RSPO3: variants seen among roughly 807,000 people sequenced by gnomAD.
RSPO3 encodes the protein R-spondin-3.
A neutral mutation model predicts 36.5 loss-of-function variants in RSPO3; 17 were observed. The observed-to-expected ratio is 0.47, with a 90% CI of 0.32 to 0.70. RSPO3 has a LOEUF of 0.70. Among genes scored for constraint, RSPO3 ranks in the 30% least tolerant of loss-of-function variants. RSPO3 has a pLI of 0.04. For synonymous variants in RSPO3, 108 were observed against 107.0 expected, an observed-to-expected ratio of 1.01 and a Z score of -0.06; for missense variants, 294 against 322.5, an observed-to-expected ratio of 0.91 and a Z score of 0.68.
At chr6:127,145,665 C>T (rs922252558) in intron 1 of RSPO3, among the ~76,000 whole-genome samples, 1 of 152,080 alleles carries the variant, frequency 6.6e-6, no homozygotes, top group African/African-American at 2.4e-5. Context: ...TAAACTCCAA[C>T]TCATTTTCTA....
At chr6:127,142,236 C>T (rs541539600) in intron 1 of RSPO3, among the ~76,000 whole-genome samples, 1 of 152,204 alleles carries the variant, frequency 6.6e-6, no homozygotes, top group East Asian at 1.9e-4. Context: ...GCTATCTATA[C>T]CTAACTTTCT....
chr6:127,190,993 T>C (rs1028277080), intron 4 of RSPO3, among the ~76,000 whole-genome samples: 1 of 152,182 alleles, frequency 6.6e-6, no homozygotes, highest in Non-Finnish European at 1.5e-5. Context: ...CACTTGGAAT[T>C]TAAATATATA....
chr6:127,175,540 A>G (rs1435181570), intron 4 of RSPO3, among the ~76,000 whole-genome samples: 2 of 151,804 alleles, frequency 1.3e-5, no homozygotes, highest in Admixed American at 6.6e-5. Flanking sequence ...ATATGAGCAT[A>G]AAGTACTGGA....
chr6:127,187,807 T>A (rs1775326882), intron 4 of RSPO3, among the ~76,000 whole-genome samples: 1 of 151,988 alleles, frequency 6.6e-6, no homozygotes, highest in Admixed American at 6.6e-5. Context: ...GAATGCAAAA[T>A]CTAAAATATT....
At chr6:127,155,187 A>T in intron 3 of RSPO3, 54 bp from the exon 4 acceptor site, 1 of 1,551,322 alleles carries the variant, frequency 6.4e-7, no homozygotes, top group Non-Finnish European at 8.9e-7. Context: ...TTAACTCAAC[A>T]ATAGTGAAAG....
At chr6:127,149,521 T>A (rs1419164105) in intron 2 of RSPO3, among the ~76,000 whole-genome samples, 1 of 152,090 alleles carries the variant, frequency 6.6e-6, no homozygotes, top group Non-Finnish European at 1.5e-5. Context: ...TTTGCATAGC[T>A]GGCTGTCTTA....
chr6:127,160,282 CT>C (rs1428076714), intron 4 of RSPO3, among the ~76,000 whole-genome samples: 2 of 152,180 alleles, frequency 1.3e-5, no homozygotes, highest in Admixed American at 1.3e-4. Flanking sequence ...ATACTACAAT[CT>C]GTTTTAAATA....
At chr6:127,123,317 A>C (rs1381287228) in intron 1 of RSPO3, among the ~76,000 whole-genome samples, 3 of 152,122 alleles carry the variant, frequency 2.0e-5, no homozygotes, top group Non-Finnish European at 1.5e-5. Context: ...ACTACAATGT[A>C]TTTTTCACAC....
chr6:127,197,197 C>A lies in RSPO3; in HGVS notation c.*1190C>A. ...CAGTAATATTTGTTTTTTGAATCCA[C>A]CTTTATCTGAGCCAATGGAGATTTA... On this transcript the variant is annotated 3_prime_UTR_variant, in exon 5 of 5. Coordinates refer to ENST00000356698, the MANE Select transcript of RSPO3 (RefSeq NM_032784.5). 2.0e-6 allele frequency: 1 copy of A among 488,236 alleles called. No individual in the cohort carries two copies. Among genetic ancestry groups the A allele is most frequent in the Non-Finnish European group, 3.6e-6 (1 of 281,348 alleles). The allele number at this position is 488,236 out of a possible 1,614,324, so 30.2% of individuals were successfully genotyped here. A position where few individuals can be genotyped will look rare whatever the true frequency, so the allele number is the denominator to read the frequency against.
In RSPO3 at chr6:127,150,721, T is replaced by G. The variant is rs3734625; in HGVS notation, c.436+149T>G. The G allele has an allele frequency of 3.4e-4, 227 of 662,886 alleles. 1 individual carries two copies. The East Asian group carries it at 6.5e-3, about 19-fold the overall frequency. 41.1% of individuals were successfully genotyped at this position (662,886 alleles called of 1,614,324 possible). A position where few individuals can be genotyped will look rare whatever the true frequency, so the allele number is the denominator to read the frequency against. ...ATCCTTCTTTACAAAGATACTCTCT[T>G]AAAGGTGTTTTTCATAACCTTATCT... On this transcript the variant is annotated intron_variant, in intron 3 of 4. Transcript: ENST00000356698.
At chr6:127,193,870 G>A (rs918126737) in intron 4 of RSPO3, among the ~76,000 whole-genome samples, 4 of 152,100 alleles carry the variant, frequency 2.6e-5, no homozygotes, top group Non-Finnish European at 5.9e-5. Context: ...TAATGGAATC[G>A]AGTAATCAGA....
At chr6:127,187,735 T>A (rs116667436) in intron 4 of RSPO3, among the ~76,000 whole-genome samples, 158 of 152,222 alleles carry the variant, frequency 1.0e-3, no homozygotes, top group African/African-American at 3.4e-3. Context: ...AAAAAATTAC[T>A]TATTGTAAAT....
At chr6:127,119,721 T>G in intron 1 of RSPO3, 1 of 157,760 alleles carries the variant, frequency 6.3e-6, no homozygotes, top group Admixed American at 6.5e-5. Context: ...CCCGCTCACC[T>G]AGCGCAACCG....
intron 1 of RSPO3, among the ~76,000 whole-genome samples, chr6:127,142,284 C>A (rs560083785): frequency 1.2e-4 from 19 of 152,242 alleles, no homozygotes; most frequent in African/African-American, 4.3e-4. Context: ...TAGCCATTGT[C>A]GGCTCTACTT....
intron 1 of RSPO3, among the ~76,000 whole-genome samples, chr6:127,147,984 AGCTCG>A (rs1427901763): frequency 2.0e-5 from 3 of 152,154 alleles, no homozygotes. Context: ...GCAATTATTA[AGCTCG>A]TGTGAGAAGA....
chr6:127,121,976 T>G (rs1316940340), intron 1 of RSPO3, among the ~76,000 whole-genome samples: 1 of 118,712 alleles, frequency 8.4e-6, no homozygotes, highest in South Asian at 2.7e-4. Flanking sequence ...AGGTAGAAAA[T>G]TAGGTGTTAA....
At chr6:127,139,367 C>G (rs1224792110) in intron 1 of RSPO3, among the ~76,000 whole-genome samples, 1 of 152,078 alleles carries the variant, frequency 6.6e-6, no homozygotes, top group Non-Finnish European at 1.5e-5. Context: ...CACAAATATC[C>G]AAGTTTATTC....
chr6:127,190,706 T>C (rs1009417348), intron 4 of RSPO3, among the ~76,000 whole-genome samples: 1 of 152,232 alleles, frequency 6.6e-6, no homozygotes, highest in Non-Finnish European at 1.5e-5. Flanking sequence ...ATTTTTAGCA[T>C]TTGGGTAAAA....
At chr6:127,138,549 T>C (rs2114562402) in intron 1 of RSPO3, among the ~76,000 whole-genome samples, 1 of 152,282 alleles carries the variant, frequency 6.6e-6, no homozygotes, top group Admixed American at 6.5e-5. Flanking sequence ...ATGAGTTTAG[T>C]GCCTCTTGAG....
Sources: gnomAD v4.1 joint callset for allele counts (sites outside exome capture counted in the v4.1 genomes callset) on GRCh38, gnomAD v4.1.1 for gene constraint, MANE v1.5 for transcripts, NCBI Gene and HGNC (gene_info 2026-07-23, HGNC 2026-07-21) for gene names.